PPP2R2C: variants seen among roughly 807,000 people sequenced by gnomAD.
PPP2R2C encodes the protein protein phosphatase 2, regulatory subunit B, gamma.
Under a neutral mutation model 45.3 loss-of-function variants are expected in PPP2R2C, and 10 were observed. The observed-to-expected ratio is 0.22, with a 90% confidence interval of 0.14 to 0.37. PPP2R2C has a LOEUF of 0.37. PPP2R2C is among the 10% of genes least tolerant of loss of function. The pLI, the probability that PPP2R2C is intolerant of heterozygous loss-of-function variation, is 1.00. For synonymous variants in PPP2R2C, 257 were observed against 245.4 expected (o/e 1.05, Z -0.44); for missense variants, 308 against 619.7 (o/e 0.50, Z 5.34).
chr4:6,458,183 T>C (rs1230054746), intron 1 of PPP2R2C, among the ~76,000 whole-genome samples: 1 of 152,268 alleles, frequency 6.6e-6, no homozygotes, highest in Non-Finnish European at 1.5e-5. Flanking sequence ...TCATCTTTGC[T>C]GGCCAATTCC....
intron 2 of PPP2R2C, among the ~76,000 whole-genome samples, chr4:6,477,747 A>AAAC (rs1577212356): frequency 6.6e-6 from 1 of 151,288 alleles, no homozygotes; most frequent in East Asian, 1.9e-4. Context: ...AAAAAAAAAA[A>AAAC]AAAAAACTGG....
intron 1 of PPP2R2C, among the ~76,000 whole-genome samples, chr4:6,411,519 A>C (rs16838760): frequency 6.6e-6 from 1 of 150,404 alleles, no homozygotes; most frequent in Non-Finnish European, 1.5e-5. Context: ...TAAGTTCTCT[A>C]ATTTGTGTCT....
chr4:6,437,983 G>C (rs552579818), intron 1 of PPP2R2C, among the ~76,000 whole-genome samples: 1 of 152,280 alleles, frequency 6.6e-6, no homozygotes, highest in Admixed American at 6.5e-5. Context: ...CAAACCCGTG[G>C]GGCTGCTGGC....
At chr4:6,460,540 G>C (rs1721270526) in intron 1 of PPP2R2C, among the ~76,000 whole-genome samples, 1 of 152,114 alleles carries the variant, frequency 6.6e-6, no homozygotes, top group African/African-American at 2.4e-5. Flanking sequence ...AAGCTAGAAA[G>C]CTCCCATATC....
At position 6,419,824 on chromosome 4, in the gene PPP2R2C, C is replaced by T. The variant is rs529418289; in HGVS notation, c.71-38730G>A. Reference sequence around the variant, plus strand: ...TGGCTTCTGGTGTGTAGATAAATCACCCCAATCTCTGCCTCTGTCATCACA... The same window carrying T: ...TGGCTTCTGGTGTGTAGATAAATCATCCCAATCTCTGCCTCTGTCATCACA... On this transcript the variant is annotated intron_variant, in intron 1 of 8. Coordinates refer to ENST00000382599, the MANE Select transcript of PPP2R2C (RefSeq NM_020416.4). Among the ~76,000 whole-genome samples, 21 of 152,222 alleles carry T rather than the reference C, an allele frequency of 1.4e-4. 1 individual carries two copies. The East Asian group carries it at 3.7e-3, about 27-fold the overall frequency.
Position 6,348,934 on chromosome 4 carries a change from C to G in PPP2R2C, c.626-924G>C, listed in dbSNP as rs191157560. On this transcript the variant is annotated intron_variant, in intron 5 of 8. Coordinates refer to ENST00000382599, the MANE Select transcript of PPP2R2C (RefSeq NM_020416.4). Reference sequence around the variant, plus strand: ...AAAGGCAGTATCCCTGACTGTTACACTAGAGCACAGAGAAGATGAGCAACT... The same window carrying G: ...AAAGGCAGTATCCCTGACTGTTACAGTAGAGCACAGAGAAGATGAGCAACT... 5.6e-4 allele frequency: 504 copies of G among 897,266 alleles called. 2 individuals are homozygous for G. The African/African-American group carries it at 8.3e-3, about 15-fold the overall frequency. 55.6% of individuals were successfully genotyped at this position (897,266 alleles called of 1,614,324 possible).
chr4:6,473,430 G>A (rs1360036283), upstream of PPP2R2C, among the ~76,000 whole-genome samples: 3 of 152,076 alleles, frequency 2.0e-5, no homozygotes, highest in South Asian at 4.2e-4. Context: ...GTGACCCACC[G>A]CCTAATGAAT....
Position 6,471,971 on chromosome 4 carries a change from G to GCTCC in PPP2R2C, c.70+185_70+188dup, listed in dbSNP as rs1721912021. Among the ~76,000 whole-genome samples the GCTCC allele has an allele frequency of 7.1e-6, 1 of 141,000 alleles. No individual in the cohort carries two copies. The highest frequency in any genetic ancestry group is 1.5e-5 in the Non-Finnish European group (1 of 64,734). 92.5% of individuals were successfully genotyped at this position (141,000 alleles called of 152,430 possible). A position where few individuals can be genotyped will look rare whatever the true frequency, so the allele number is the denominator to read the frequency against. ...GGGCAGCGGAGGCCGGTACCCTCGG[G>GCTCC]CTCCCTCCCTCCTGGGCCCCGGGCA... On this transcript the variant is annotated intron_variant, in intron 1 of 8. Transcript: ENST00000382599. The surrounding 1 kb of genome is among the most constrained non-coding windows in gnomAD (Gnocchi z 5.6).
intron 1 of PPP2R2C, among the ~76,000 whole-genome samples, chr4:6,411,044 T>C (rs10937726): frequency 0.26 from 39,032 of 151,384 alleles, 5,843 homozygotes; most frequent in East Asian, 0.64. Context: ...CTAATTTGTG[T>C]ATTTTTTGTA....
chr4:6,356,621 G>A (rs1342094600), intron 5 of PPP2R2C, among the ~76,000 whole-genome samples: 1 of 152,386 alleles, frequency 6.6e-6, no homozygotes, highest in Admixed American at 6.5e-5. Context: ...TCCCAGATGA[G>A]GATGGGGTAA....
At chr4:6,384,275 T>A in intron 1 of PPP2R2C, 2 of 985,378 alleles carry the variant, frequency 2.0e-6, no homozygotes, top group Non-Finnish European at 2.4e-6. Context: ...GAACGGGATA[T>A]AAAATTGGGT....
At chr4:6,462,638 A>G (rs1454212909) in intron 1 of PPP2R2C, among the ~76,000 whole-genome samples, 1 of 152,220 alleles carries the variant, frequency 6.6e-6, no homozygotes, top group Non-Finnish European at 1.5e-5. Context: ...CATAAGAGAC[A>G]TTTCTCAGAC....
rs1419704286 is a variant in PPP2R2C at position 6,331,200 on chromosome 4, C to G, written c.961-1847G>C. Among the ~76,000 whole-genome samples the G allele has an allele frequency of 6.6e-6, 1 of 152,220 alleles. No individual in the cohort carries two copies. Among genetic ancestry groups the G allele is most frequent in the African/African-American group, 2.4e-5 (1 of 41,444 alleles). On this transcript the variant is annotated intron_variant, in intron 7 of 8. Coordinates refer to ENST00000382599, the MANE Select transcript of PPP2R2C (RefSeq NM_020416.4). The surrounding 1 kb of genome is among the most constrained non-coding windows in gnomAD (Gnocchi z 5.9). ...CGTCCAAATGCGCATGCTGTTCTCT[C>G]TGCCGTGCACTAAGCATCTCCTGCC...
intron 2 of PPP2R2C, among the ~76,000 whole-genome samples, chr4:6,521,601 C>T (rs143796465): frequency 6.6e-6 from 1 of 152,274 alleles, no homozygotes; most frequent in East Asian, 1.9e-4. Flanking sequence ...GAGCCCTAAC[C>T]CACGTCCCAC....
chr4:6,496,933 C>T (rs1003770846), intron 2 of PPP2R2C, among the ~76,000 whole-genome samples: 1 of 151,564 alleles, frequency 6.6e-6, no homozygotes, highest in African/African-American at 2.4e-5. Flanking sequence ...TGTGACGATG[C>T]CATACGTATG....
chr4:6,493,233 G>A (rs777331409), intron 2 of PPP2R2C, among the ~76,000 whole-genome samples: 1 of 151,796 alleles, frequency 6.6e-6, no homozygotes, highest in East Asian at 1.9e-4. Flanking sequence ...AAGCACACAC[G>A]CACGCGCGCG....
chr4:6,510,664 C>T (rs1443781005), intron 2 of PPP2R2C, among the ~76,000 whole-genome samples: 1 of 152,202 alleles, frequency 6.6e-6, no homozygotes, highest in South Asian at 2.1e-4. Context: ...GTGCCTGATA[C>T]GGAGGAGGCC....
rs748908925 is a variant in PPP2R2C at position 6,368,891 on chromosome 4, A to T, written c.625+3632T>A. Among the ~76,000 whole-genome samples, 29 of 152,134 alleles carry T rather than the reference A, an allele frequency of 1.9e-4. No homozygotes were observed. Among genetic ancestry groups the T allele is most frequent in the Non-Finnish European group, 3.5e-4 (24 of 68,030 alleles). ...AGTGACACGCCCCTGTTTACAGTAC[A>T]TCAATAGCTTCATAGTTTCCCGTTC... is the stretch of plus-strand genomic sequence containing the variant. On this transcript the variant is annotated intron_variant, in intron 5 of 8. Coordinates refer to ENST00000382599, the MANE Select transcript of PPP2R2C (RefSeq NM_020416.4). The surrounding 1 kb of genome is among the most constrained non-coding windows in gnomAD (Gnocchi z 4.2).
intron 6 of PPP2R2C, among the ~76,000 whole-genome samples, chr4:6,337,112 G>GTATATATATATATATATA (rs61657951): frequency 3.3e-4 from 10 of 30,112 alleles, no homozygotes; most frequent in Admixed American, 1.5e-3. Flanking sequence ...ATGTGTGTGT[G>GTATATATATATATATATA]TATATATATA....
Sources: gnomAD v4.1 joint callset for allele counts (sites outside exome capture counted in the v4.1 genomes callset) on GRCh38, gnomAD v4.1.1 for gene constraint, Gnocchi (gnomAD v3.1) non-coding constraint, MANE v1.5 for transcripts, NCBI Gene and HGNC (gene_info 2026-07-23, HGNC 2026-07-21) for gene names.